Variants in RIC1 observed in about 807,000 individuals in gnomAD.
RIC1 encodes the protein RIC1 partner of RAB6A GEF complex.
A neutral mutation model predicts 169.0 loss-of-function variants in RIC1; 88 were observed. The ratio of observed to expected loss-of-function variants is 0.52; its 90% confidence interval spans 0.44 to 0.62. The LOEUF (loss-of-function observed/expected upper bound fraction) is 0.62. Among genes scored for constraint, RIC1 ranks in the 20% least tolerant of loss-of-function variants. RIC1 has a pLI of 0.00. For synonymous variants in RIC1, 790 were observed against 601.5 expected, an observed-to-expected ratio of 1.31 and a Z score of -4.59; for missense variants, 1,877 against 1,725.5, an observed-to-expected ratio of 1.09 and a Z score of -1.56.
chr9:5,738,623 C>A (rs2130957491), intron 8 of RIC1, 85 bp downstream of exon 8: 4 of 739,596 alleles, frequency 5.4e-6, no homozygotes, highest in South Asian at 2.3e-5. Flanking sequence ...TTAAGTTAAA[C>A]AATACATGTC....
chr9:5,708,006 G>A (rs1822696453), intron 3 of RIC1, among the ~76,000 whole-genome samples: 1 of 151,562 alleles, frequency 6.6e-6, no homozygotes, highest in Non-Finnish European at 1.5e-5. Context: ...TGTTGTTGTT[G>A]GTTTGATTTT....
At chr9:5,649,790 C>G (rs1818705488) in intron 1 of RIC1, among the ~76,000 whole-genome samples, 1 of 150,802 alleles carries the variant, frequency 6.6e-6, no homozygotes, top group South Asian at 2.1e-4. Flanking sequence ...GTCTGTACCT[C>G]TGGTGTAACA....
chr9:5,651,675 T>G (rs993345629), intron 1 of RIC1, among the ~76,000 whole-genome samples: 1 of 151,098 alleles, frequency 6.6e-6, no homozygotes, highest in African/African-American at 2.4e-5. Context: ...GTGATTCTCC[T>G]GCCTCAGCCT....
At chr9:5,755,488 A>G (rs1008845609) in intron 15 of RIC1, among the ~76,000 whole-genome samples, 1 of 152,242 alleles carries the variant, frequency 6.6e-6, no homozygotes, top group African/African-American at 2.4e-5. Flanking sequence ...ATATCTTAGT[A>G]TACTGTACTC....
At chr9:5,695,942 A>G (rs991427177) in intron 3 of RIC1, among the ~76,000 whole-genome samples, 2 of 135,628 alleles carry the variant, frequency 1.5e-5, no homozygotes, top group African/African-American at 6.3e-5. Context: ...CAAACATGCT[A>G]TTGCTTTGCT....
chr9:5,645,404 A>G (rs930002785), intron 1 of RIC1, among the ~76,000 whole-genome samples: 12 of 152,190 alleles, frequency 7.9e-5, no homozygotes, highest in Admixed American at 7.2e-4. Context: ...ATGTCTTGAT[A>G]CAAATTATTT....
At chr9:5,669,569 A>G (rs1404137829) in intron 2 of RIC1, among the ~76,000 whole-genome samples, 2 of 152,228 alleles carry the variant, frequency 1.3e-5, no homozygotes, top group African/African-American at 4.8e-5. Context: ...TGCCCATATG[A>G]CATCAAAATT....
intron 12 of RIC1, among the ~76,000 whole-genome samples, chr9:5,751,624 G>C (rs1825730051): frequency 6.6e-6 from 1 of 152,080 alleles, no homozygotes; most frequent in Non-Finnish European, 1.5e-5. Context: ...CAAAGTGCTG[G>C]GATTACAGGC....
Position 5,763,547 on chromosome 9 carries a change from T to A in RIC1, c.2520T>A (p.Leu840=). 7 of 1,614,156 alleles carry A rather than the reference T, an allele frequency of 4.3e-6. No individual in the cohort carries two copies. Among genetic ancestry groups the A allele is most frequent in the Non-Finnish European group, 5.9e-6 (7 of 1,180,010 alleles). Residue 840 remains leucine, a synonymous_variant, in exon 19 of 26, where the codon CTT becomes CTA. Coordinates refer to ENST00000414202, the MANE Select transcript of RIC1 (RefSeq NM_020829.4). This position sits in a 1 kb window ranked among gnomAD's most constrained non-coding sequence, Gnocchi z 5.2. ...TACGTCAACTTCTGGTCAGAAACCT[T>A]GGGGAGCAAGCCTTGCTCTTGGCCC... ...HILRQLLVRN[L]GEQALLLAQS...
intron 3 of RIC1, among the ~76,000 whole-genome samples, chr9:5,700,722 T>G (rs951278537): frequency 1.3e-5 from 2 of 152,270 alleles, no homozygotes; most frequent in Non-Finnish European, 2.9e-5. Flanking sequence ...ACACCTTCAT[T>G]CTGCACAAGT....
At chr9:5,738,306 A>G in intron 7 of RIC1, 144 bp from the exon 8 acceptor site, 1 of 612,058 alleles carries the variant, frequency 1.6e-6, no homozygotes, top group Non-Finnish European at 2.8e-6. Context: ...CCTTTGTTCA[A>G]ATTTATGAGA....
intron 14 of RIC1, 75 bp downstream of exon 14, chr9:5,753,721 T>G: frequency 1.6e-6 from 1 of 611,588 alleles, no homozygotes; most frequent in East Asian, 3.0e-5. Context: ...CTATAAAGTT[T>G]ATCACTAAGT....
At chr9:5,689,204 A>T (rs1267594962) in intron 2 of RIC1, among the ~76,000 whole-genome samples, 1 of 151,292 alleles carries the variant, frequency 6.6e-6, no homozygotes, top group African/African-American at 2.4e-5. Flanking sequence ...GCCTGCCACC[A>T]CGCCCGGCTA....
At position 5,743,114 on chromosome 9, in the gene RIC1, T is replaced by C; in HGVS notation, c.1046+101T>C. The C allele has an allele frequency of 2.8e-6, 3 of 1,076,340 alleles. No homozygotes were observed. In the South Asian group the frequency reaches 4.7e-5, roughly 17 times the overall value. The allele number at this position is 1,076,340 out of a possible 1,614,324, so 66.7% of individuals were successfully genotyped here. A position where few individuals can be genotyped will look rare whatever the true frequency, so the allele number is the denominator to read the frequency against. Reference sequence around the variant, plus strand: ...TCAGAACTTCCCTTTTTGCCTTGACTCTTACCTTAAAACAATTTGCAAAGT... The same window carrying C: ...TCAGAACTTCCCTTTTTGCCTTGACCCTTACCTTAAAACAATTTGCAAAGT... On this transcript the variant is annotated intron_variant, in intron 9 of 25. Transcript: ENST00000414202.
At chr9:5,756,494 T>TTA (rs1826025454) in intron 16 of RIC1, 122 bp downstream of exon 16, 2 of 563,346 alleles carry the variant, frequency 3.6e-6, no homozygotes, top group East Asian at 6.6e-5. Context: ...TTGTTAGAGG[T>TTA]AAAAAAAGCA....
intron 1 of RIC1, among the ~76,000 whole-genome samples, chr9:5,643,286 G>C (rs565741008): frequency 6.6e-6 from 1 of 152,234 alleles, no homozygotes; most frequent in East Asian, 1.9e-4. Context: ...TTTTAAATTT[G>C]TTTATACTGC....
chr9:5,696,048 C>T (rs1294664731), intron 3 of RIC1, among the ~76,000 whole-genome samples: 2 of 152,130 alleles, frequency 1.3e-5, no homozygotes, highest in African/African-American at 2.4e-5. Context: ...CTTCACTTTA[C>T]ATATTTGTTC....
chr9:5,673,298 A>G (rs1820220322), intron 2 of RIC1, among the ~76,000 whole-genome samples: 1 of 152,034 alleles, frequency 6.6e-6, no homozygotes, highest in Non-Finnish European at 1.5e-5. Context: ...AAATGAAAAG[A>G]TAAGCATCAC....
At chr9:5,771,123 T>C (rs144712644) in intron 23 of RIC1, among the ~76,000 whole-genome samples, 15 of 152,330 alleles carry the variant, frequency 9.8e-5, no homozygotes, top group Non-Finnish European at 1.8e-4. Context: ...GTTTGTAGTG[T>C]TAATTATGCC....
Sources: allele counts gnomAD v4.1 joint callset (sites outside exome capture counted in the v4.1 genomes callset), GRCh38; gene constraint gnomAD v4.1.1; non-coding constraint Gnocchi (gnomAD v3.1); transcripts MANE v1.5; gene names NCBI Gene and HGNC (gene_info 2026-07-23, HGNC 2026-07-21).